Variants in PTPRG observed in about 807,000 individuals in gnomAD.
PTPRG encodes the protein receptor-type tyrosine-protein phosphatase gamma.
A neutral mutation model predicts 165.3 loss-of-function variants in PTPRG; 102 were observed. The ratio of observed to expected loss-of-function variants is 0.62; its 90% CI spans 0.53 to 0.73. The LOEUF (loss-of-function observed/expected upper bound fraction) is 0.73. Ranked by LOEUF, PTPRG falls within the 30% of genes least tolerant of loss-of-function variation. The pLI is 0.00. For missense variants in PTPRG, 1,866 were observed against 1,861.4 expected, an observed-to-expected ratio of 1.00 and a Z score of -0.05; for synonymous variants, 675 against 669.5, an observed-to-expected ratio of 1.01 and a Z score of -0.13.
At chr3:61,654,059 C>T (rs1702443028) in intron 1 of PTPRG, among the ~76,000 whole-genome samples, 1 of 152,190 alleles carries the variant, frequency 6.6e-6, no homozygotes, top group South Asian at 2.1e-4. Context: ...CCTTCCAGGG[C>T]ACTTTGACTT....
chr3:62,003,354 A>T lies in PTPRG; in HGVS notation c.376A>T (p.Ile126Phe). 1 of 1,613,636 alleles carries T rather than the reference A, an allele frequency of 6.2e-7. No individual in the cohort carries two copies. Among genetic ancestry groups the T allele is most frequent in the Non-Finnish European group, 8.5e-7 (1 of 1,179,792 alleles). The change falls in exon 4 of 30, where the codon ATC (isoleucine) becomes TTC (phenylalanine). Residue 126 changes from isoleucine (I) to phenylalanine (F), a missense_variant. Ile to Phe is a conservative substitution (Grantham distance 21). Around this residue, in one of 3 missense-constraint regions of PTPRG, gnomAD observed 408 missense variants for 376.2 expected, o/e 1.08. Coordinates refer to ENST00000474889, the MANE Select transcript of PTPRG (RefSeq NM_002841.4). Reference sequence around the variant, plus strand: ...TTCTCATTTGTTTCACACAGTCGCCATCCTTCTGAAAGACGACTATTTTGT... The same window carrying T: ...TTCTCATTTGTTTCACACAGTCGCCTTCCTTCTGAAAGACGACTATTTTGT... ...WMKNTGKTVAILLKDDYFVSG... is the reference protein window; with the variant it reads ...WMKNTGKTVAFLLKDDYFVSG...
At chr3:61,618,929 C>T (rs1701374612) in intron 1 of PTPRG, among the ~76,000 whole-genome samples, 1 of 146,924 alleles carries the variant, frequency 6.8e-6, no homozygotes, top group East Asian at 2.0e-4. Context: ...ACCATTTAAG[C>T]CCAGGAGTTC....
chr3:61,820,674 G>A (rs972900280), intron 2 of PTPRG, among the ~76,000 whole-genome samples: 1 of 144,360 alleles, frequency 6.9e-6, no homozygotes, highest in Non-Finnish European at 1.5e-5. Context: ...GTTGAATCAC[G>A]GTGTTCATTA....
intron 2 of PTPRG, among the ~76,000 whole-genome samples, chr3:61,808,662 G>A (rs2035484512): frequency 6.6e-6 from 1 of 151,976 alleles, no homozygotes; most frequent in South Asian, 2.1e-4. Flanking sequence ...AAAATCTTTG[G>A]CACATACGTT....
At chr3:61,836,106 C>T (rs1406117888) in intron 2 of PTPRG, among the ~76,000 whole-genome samples, 1 of 147,024 alleles carries the variant, frequency 6.8e-6, no homozygotes, top group East Asian at 2.2e-4. Context: ...CACACCTGAA[C>T]CCCACTGCAG....
chr3:61,671,136 T>A (rs1160246852), intron 1 of PTPRG, among the ~76,000 whole-genome samples: 1 of 106,890 alleles, frequency 9.4e-6, no homozygotes, highest in East Asian at 3.2e-4. Flanking sequence ...TGTATGAACT[T>A]TCTTTTTTTT....
At position 61,970,165 on chromosome 3, in the gene PTPRG, C is replaced by G. The variant is rs945447632; in HGVS notation, c.191-19460C>G. On this transcript the variant is annotated intron_variant, in intron 2 of 29. Transcript: ENST00000474889. ...TCTGATTGTGTTTCCAATGTCAACT[C>G]AAGTTAATGTGATTTACCCAGAGTA... 1.1e-4 allele frequency among the ~76,000 whole-genome samples: 17 copies of G among 152,122 alleles called. 1 individual carries two copies. Among genetic ancestry groups the G allele is most frequent in the Admixed American group, 8.5e-4 (13 of 15,264 alleles).
At chr3:61,993,809 C>T (rs1323752205) in intron 3 of PTPRG, among the ~76,000 whole-genome samples, 4 of 151,978 alleles carry the variant, frequency 2.6e-5, no homozygotes, top group African/African-American at 7.3e-5. Context: ...ATTTACAGGT[C>T]ACTTATCTGT....
chr3:62,078,141 A>T (rs199695809), intron 4 of PTPRG, 22 bp from the exon 5 acceptor site: 1 of 1,511,086 alleles, frequency 6.6e-7, no homozygotes, highest in Admixed American at 1.8e-5. Flanking sequence ...TTCCTAATAC[A>T]TTTTTTTAAT....
At chr3:62,242,957 G>A (rs746696449) in intron 14 of PTPRG, among the ~76,000 whole-genome samples, 5 of 151,906 alleles carry the variant, frequency 3.3e-5, no homozygotes, top group Admixed American at 6.6e-5. Flanking sequence ...AAGCCCCTCC[G>A]CCAAATGAAC....
In PTPRG at chr3:62,273,229, AT is replaced by A. The variant is rs1353185413; in HGVS notation, c.3318+150del. 1.1e-5 allele frequency: 10 copies of A among 930,992 alleles called. 1 individual carries two copies. In the South Asian group the frequency reaches 1.8e-4, roughly 17 times the overall value. 57.7% of individuals were successfully genotyped at this position (930,992 alleles called of 1,614,324 possible). On this transcript the variant is annotated intron_variant, in intron 22 of 29. Transcript: ENST00000474889. This position sits in a 1 kb window ranked among gnomAD's most constrained non-coding sequence, Gnocchi z 4.1. ...TAGAAGATATTCTGACAATGATCCT[AT>A]TCTACGGATCACAGTTTTCCATTTC...
chr3:62,085,025 G>C (rs551482005), intron 5 of PTPRG, among the ~76,000 whole-genome samples: 1 of 152,168 alleles, frequency 6.6e-6, no homozygotes, highest in South Asian at 2.1e-4. Flanking sequence ...AGGGGGTAGA[G>C]CCTGAGACTA....
chr3:62,221,549 C>A (rs34971432), intron 13 of PTPRG, among the ~76,000 whole-genome samples: 6,662 of 152,256 alleles, frequency 0.044, 165 homozygotes, highest in Admixed American at 0.059. Context: ...ACAGAGGAGA[C>A]ATGCGTTTCC....
intron 12 of PTPRG, 99 bp from the exon 13 acceptor site, chr3:62,218,752 C>T (rs1362355621): frequency 8.3e-6 from 12 of 1,443,362 alleles, no homozygotes; most frequent in African/African-American, 1.4e-5. Context: ...TGGCCCAGTT[C>T]GCCAGAAACC....
chr3:62,036,983 G>GCACACACACACA (rs10587372), intron 4 of PTPRG, among the ~76,000 whole-genome samples: 148 of 150,562 alleles, frequency 9.8e-4, no homozygotes, highest in African/African-American at 3.4e-3. Flanking sequence ...GCGCGCGCAC[G>GCACACACACACA]CACACACACA....
chr3:61,854,820 A>G (rs760770083), intron 2 of PTPRG, among the ~76,000 whole-genome samples: 6 of 152,234 alleles, frequency 3.9e-5, no homozygotes, highest in African/African-American at 7.2e-5. Context: ...GAGAAGGATA[A>G]TGCTGACAGT....
chr3:62,255,925 G>T lies in PTPRG; in HGVS notation c.2559+710G>T, dbSNP rs1322011062. The stretch of plus-strand genomic sequence containing the variant: ...TACCACCCTGCCAACTCTGGGTTCT[G>T]TGCCAGTTCAGCAGTGACAGGGTGT... On this transcript the variant is annotated intron_variant, in intron 16 of 29. Transcript: ENST00000474889. This position sits in a 1 kb window ranked among gnomAD's most constrained non-coding sequence, Gnocchi z 4.0. Among the ~76,000 whole-genome samples, 1 of 152,122 alleles carries T rather than the reference G, an allele frequency of 6.6e-6. No homozygotes were observed. Among genetic ancestry groups the T allele is most frequent in the Non-Finnish European group, 1.5e-5 (1 of 68,024 alleles).
intron 1 of PTPRG, among the ~76,000 whole-genome samples, chr3:61,675,386 A>C (rs1703185367): frequency 3.3e-5 from 5 of 152,218 alleles, no homozygotes; most frequent in Admixed American, 3.3e-4. Context: ...TTATGATACT[A>C]AATTATTTTA....
intron 10 of PTPRG, among the ~76,000 whole-genome samples, chr3:62,199,147 A>C (rs924209874): frequency 6.6e-6 from 1 of 152,170 alleles, no homozygotes; most frequent in Non-Finnish European, 1.5e-5. Context: ...TCCTGTCTTA[A>C]CTAGGGGAGG....
Sources: gnomAD v4.1 joint callset for allele counts (sites outside exome capture counted in the v4.1 genomes callset) on GRCh38, gnomAD v4.1.1 for gene constraint, gnomAD v4.1.1 regional missense constraint, Gnocchi (gnomAD v3.1) non-coding constraint, MANE v1.5 for transcripts, NCBI Gene and HGNC (gene_info 2026-07-23, HGNC 2026-07-21) for gene names.